Variants in HSD17B3 observed in about 807,000 individuals in gnomAD.
HSD17B3 encodes the protein hydroxysteroid 17-beta dehydrogenase 3.
HSD17B3 carries 29 observed loss-of-function variants against 41.1 expected under a neutral mutation model. That is an observed-to-expected ratio of 0.71 (90% CI 0.53 to 0.96). The LOEUF (loss-of-function observed/expected upper bound fraction) is 0.96, where lower values mean the gene tolerates loss of function less well. Among genes scored for constraint, HSD17B3 ranks in the 40% least tolerant of loss-of-function variants. The probability of loss-of-function intolerance (pLI) is 0.00; values close to 1 mark genes in which losing one functional copy is unlikely to be tolerated. For synonymous variants in HSD17B3, 126 were observed against 145.6 expected (o/e 0.87, Z 0.97); for missense variants, 323 against 374.6 (o/e 0.86, Z 1.14).
At chr9:96,282,886 T>C (rs1304515262) in intron 2 of HSD17B3, among the ~76,000 whole-genome samples, 20 of 152,068 alleles carry the variant, frequency 1.3e-4, no homozygotes, top group Admixed American at 1.2e-3. Flanking sequence ...AAATTAATAT[T>C]GTAAAAGAAA....
chr9:96,279,832 C>G (rs1037555556), intron 2 of HSD17B3, among the ~76,000 whole-genome samples: 2 of 151,536 alleles, frequency 1.3e-5, no homozygotes, highest in East Asian at 1.9e-4. Context: ...TGCAGTGGCG[C>G]GATCTCGGCT....
At chr9:96,276,792 C>T (rs1336503066) in intron 2 of HSD17B3, among the ~76,000 whole-genome samples, 1 of 152,160 alleles carries the variant, frequency 6.6e-6, no homozygotes, top group African/African-American at 2.4e-5. Flanking sequence ...CCTCTAAAGC[C>T]ATAAGATTAT....
At chr9:96,262,774 T>C (rs958323964) in intron 2 of HSD17B3, among the ~76,000 whole-genome samples, 1 of 152,226 alleles carries the variant, frequency 6.6e-6, no homozygotes, top group African/African-American at 2.4e-5. Flanking sequence ...TTTTGTCTGA[T>C]ACTAATATTG....
intron 2 of HSD17B3, among the ~76,000 whole-genome samples, chr9:96,292,280 A>G (rs910980815): frequency 2.6e-5 from 4 of 152,328 alleles, no homozygotes; most frequent in Admixed American, 6.5e-5. Context: ...ATTCATGTCC[A>G]TTGGAGTGTT....
intron 6 of HSD17B3, 110 bp downstream of exon 6, chr9:96,249,641 T>C: frequency 1.0e-6 from 1 of 971,890 alleles, no homozygotes; most frequent in Non-Finnish European, 1.6e-6. Context: ...CTAAGTGTGG[T>C]TCGATTTCAA....
In HSD17B3 at chr9:96,302,137, C is replaced by G; in HGVS notation, c.-33G>C. 2 of 1,610,442 alleles carry G rather than the reference C, an allele frequency of 1.2e-6. No individual in the cohort carries two copies. The highest frequency in any genetic ancestry group is 1.7e-6 in the Non-Finnish European group (2 of 1,178,210). On this transcript the variant is annotated 5_prime_UTR_variant, in exon 1 of 11. Coordinates refer to ENST00000375263, the MANE Select transcript of HSD17B3 (RefSeq NM_000197.2). ...CTCAACAGACTGTTTCAGCCCTGGC[C>G]GTGGCTCTCTGTGTATGCCTCCTGG... is the stretch of plus-strand genomic sequence containing the variant.
At chr9:96,259,518 C>T (rs1379720630) in intron 2 of HSD17B3, among the ~76,000 whole-genome samples, 1 of 152,036 alleles carries the variant, frequency 6.6e-6, no homozygotes, top group Admixed American at 6.6e-5. Flanking sequence ...GTCAGGAGTT[C>T]GAGACCAGCC....
chr9:96,242,820 TG>T (rs1401360209), intron 9 of HSD17B3, among the ~76,000 whole-genome samples: 1 of 152,194 alleles, frequency 6.6e-6, no homozygotes, highest in Non-Finnish European at 1.5e-5. Context: ...AGGAAGCAGG[TG>T]GCTGCGATGA....
chr9:96,253,408 G>A (rs1335715335), intron 3 of HSD17B3, among the ~76,000 whole-genome samples: 2 of 152,254 alleles, frequency 1.3e-5, no homozygotes, highest in East Asian at 3.9e-4. Flanking sequence ...CCTCCACACA[G>A]ACCCAACAAC....
At chr9:96,250,836 C>T (rs1587726497) in intron 5 of HSD17B3, among the ~76,000 whole-genome samples, 2 of 148,954 alleles carry the variant, frequency 1.3e-5, no homozygotes, top group African/African-American at 5.0e-5. Flanking sequence ...TGCAGTGAGC[C>T]GAGATCATGT....
intron 2 of HSD17B3, among the ~76,000 whole-genome samples, chr9:96,288,698 A>G (rs1380462029): frequency 6.6e-6 from 1 of 152,138 alleles, no homozygotes; most frequent in Non-Finnish European, 1.5e-5. Flanking sequence ...GCACTTTGGG[A>G]GGCCCAGGCC....
chr9:96,280,850 G>A (rs1444559428), intron 2 of HSD17B3, among the ~76,000 whole-genome samples: 1 of 152,112 alleles, frequency 6.6e-6, no homozygotes, highest in East Asian at 1.9e-4. Flanking sequence ...GTGACCTCTG[G>A]TCATCCTCAT....
Position 96,298,410 on chromosome 9 carries a change from G to T in HSD17B3, c.201+6C>A, listed in dbSNP as rs1428932391. The T allele has an allele frequency of 2.2e-5, 36 of 1,611,506 alleles. No homozygotes were observed. The African/African-American group carries it at 4.3e-4, about 19-fold the overall frequency. On this transcript the variant is annotated splice_donor_region_variant and intron_variant, in intron 2 of 10. Coordinates refer to ENST00000375263, the MANE Select transcript of HSD17B3 (RefSeq NM_000197.2). ...GGAGGAGAAAGTCCCCAGGAAGATAGCTTACCTCGAACGAGTACGCTTTCC... is the reference window on the plus strand; with the variant it reads ...GGAGGAGAAAGTCCCCAGGAAGATATCTTACCTCGAACGAGTACGCTTTCC...
Position 96,254,851 on chromosome 9 carries a change from T to C in HSD17B3, c.277+17A>G, listed in dbSNP as rs1223758608. The C allele has an allele frequency of 6.2e-7, 1 of 1,610,178 alleles. No individual in the cohort carries two copies. The highest frequency in any genetic ancestry group is 1.3e-5 in the African/African-American group (1 of 74,850). ...GAGGGCTCCACACACATCTCCCTTATTTGGGGGGTCACTCACCGATCTCTG... is the reference window on the plus strand; with the variant it reads ...GAGGGCTCCACACACATCTCCCTTACTTGGGGGGTCACTCACCGATCTCTG... On this transcript the variant is annotated intron_variant, in intron 3 of 10. Coordinates refer to ENST00000375263, the MANE Select transcript of HSD17B3 (RefSeq NM_000197.2).
intron 2 of HSD17B3, among the ~76,000 whole-genome samples, chr9:96,257,718 C>G (rs186593425): frequency 2.6e-5 from 4 of 152,332 alleles, no homozygotes. Context: ...TATTACCACT[C>G]TTGCTACAGT....
chr9:96,266,705 A>G (rs1441694693), intron 2 of HSD17B3, among the ~76,000 whole-genome samples: 1 of 152,190 alleles, frequency 6.6e-6, no homozygotes, highest in Non-Finnish European at 1.5e-5. Flanking sequence ...GCCAGTACTG[A>G]ACCTGGGAGA....
intron 6 of HSD17B3, 105 bp downstream of exon 6, chr9:96,249,646 T>A: frequency 9.5e-7 from 1 of 1,048,508 alleles, no homozygotes; most frequent in Non-Finnish European, 1.5e-6. Flanking sequence ...TGTGGTTCGA[T>A]TTCAAAGAAT....
intron 2 of HSD17B3, among the ~76,000 whole-genome samples, chr9:96,275,380 A>C (rs1826408252): frequency 6.6e-6 from 1 of 152,190 alleles, no homozygotes; most frequent in Non-Finnish European, 1.5e-5. Flanking sequence ...GCCCTAATAT[A>C]AAAGTTAAAA....
chr9:96,251,180 G>A, intron 5 of HSD17B3: 1 of 583,872 alleles, frequency 1.7e-6, no homozygotes, highest in Non-Finnish European at 3.1e-6. Flanking sequence ...GGACAGGTAA[G>A]TTTTGATGTG....
Sources: allele counts gnomAD v4.1 joint callset (sites outside exome capture counted in the v4.1 genomes callset), GRCh38; gene constraint gnomAD v4.1.1; transcripts MANE v1.5; gene names NCBI Gene and HGNC (gene_info 2026-07-23, HGNC 2026-07-21).